HEPACAM: variants seen among roughly 807,000 people sequenced by gnomAD.
The protein encoded by HEPACAM is hepatocyte cell adhesion molecule.
HEPACAM carries 18 observed loss-of-function variants against 38.3 expected under a neutral mutation model. The ratio of observed to expected loss-of-function variants is 0.47; its 90% CI spans 0.33 to 0.70. HEPACAM has a LOEUF of 0.70. Among genes scored for constraint, HEPACAM ranks in the 30% least tolerant of loss-of-function variants. HEPACAM has a pLI of 0.03. For missense variants in HEPACAM, 466 were observed against 563.0 expected (o/e 0.83, Z 1.74); for synonymous variants, 216 against 243.1 (o/e 0.89, Z 1.04).
At position 124,919,666 on chromosome 11, in the gene HEPACAM, T is replaced by C; in HGVS notation, c.*1472A>G. ...GAGGGACAGGGAGCTGAGACAGGCATGCTGTGGGGTTCAGGGCAGAGGGGG... is the reference window on the plus strand; with the variant it reads ...GAGGGACAGGGAGCTGAGACAGGCACGCTGTGGGGTTCAGGGCAGAGGGGG... On this transcript the variant is annotated 3_prime_UTR_variant, in exon 7 of 7. Transcript: ENST00000298251. 1 of 1,463,762 alleles carries C rather than the reference T, an allele frequency of 6.8e-7. No homozygotes were observed. Among genetic ancestry groups the C allele is most frequent in the Non-Finnish European group, 9.3e-7 (1 of 1,073,024 alleles). 90.7% of individuals were successfully genotyped at this position (1,463,762 alleles called of 1,614,324 possible). A position where few individuals can be genotyped will look rare whatever the true frequency, so the allele number is the denominator to read the frequency against.
chr11:124,923,488 G>T, intron 3 of HEPACAM, 55 bp from the exon 4 acceptor site: 1 of 1,323,280 alleles, frequency 7.6e-7, no homozygotes, highest in Non-Finnish European at 1.1e-6. Context: ...GCAAGATGTG[G>T]TGAGCAGAAC....
At chr11:124,926,892 G>T (rs561474158) in intron 1 of HEPACAM, among the ~76,000 whole-genome samples, 10 of 151,958 alleles carry the variant, frequency 6.6e-5, no homozygotes, top group Non-Finnish European at 1.2e-4. Flanking sequence ...TTTTTGAGAC[G>T]GAGTCTTGTT....
Position 124,920,799 on chromosome 11 carries a change from G to A in HEPACAM, c.*339C>T. The A allele has an allele frequency of 8.9e-7, 1 of 1,121,834 alleles. No homozygotes were observed. The highest frequency in any genetic ancestry group is 1.1e-6 in the Non-Finnish European group (1 of 917,966). 69.5% of individuals were successfully genotyped at this position (1,121,834 alleles called of 1,614,324 possible). On this transcript the variant is annotated 3_prime_UTR_variant, in exon 7 of 7. Coordinates refer to ENST00000298251, the MANE Select transcript of HEPACAM (RefSeq NM_152722.5). ...TAGGAAGAGCACAGGATAGTCACGG[G>A]GGTTAGGTTACTGATGTTAGTTTCC...
intron 1 of HEPACAM, among the ~76,000 whole-genome samples, chr11:124,925,558 A>G (rs1011443542): frequency 8.5e-5 from 13 of 152,190 alleles, no homozygotes; most frequent in African/African-American, 2.9e-4. Context: ...TGGAGAAAGC[A>G]TGGAACACAG....
chr11:124,924,640 T>G lies in HEPACAM; in HGVS notation c.427+88A>C. The G allele has an allele frequency of 7.7e-7, 1 of 1,306,148 alleles. No individual in the cohort carries two copies. Among genetic ancestry groups the G allele is most frequent in the South Asian group, 1.2e-5 (1 of 84,366 alleles). 80.9% of individuals were successfully genotyped at this position (1,306,148 alleles called of 1,614,324 possible). On this transcript the variant is annotated intron_variant, in intron 2 of 6. Coordinates refer to ENST00000298251, the MANE Select transcript of HEPACAM (RefSeq NM_152722.5). This position sits in a 1 kb window ranked among gnomAD's most constrained non-coding sequence, Gnocchi z 4.4. ...AGCTCCCAAGTGCCTTTTGGGTTGG[T>G]TTTCCCTCAGTCTAGCTGGTGCGCT...
At position 124,919,593 on chromosome 11, in the gene HEPACAM, AG is replaced by A; in HGVS notation, c.*1544del. On this transcript the variant is annotated 3_prime_UTR_variant, in exon 7 of 7. Transcript: ENST00000298251. ...TATGGATGAGGCACCTGGGAAGTTTAGGGGAGCTGCGAAGGCACACCTGCTC... is the reference window on the plus strand; with the variant it reads ...TATGGATGAGGCACCTGGGAAGTTTAGGGAGCTGCGAAGGCACACCTGCTC... 1 of 738,664 alleles carries A rather than the reference AG, an allele frequency of 1.4e-6. No individual in the cohort carries two copies. Among genetic ancestry groups the A allele is most frequent in the Non-Finnish European group, 2.2e-6 (1 of 459,486 alleles). The allele number at this position is 738,664 out of a possible 1,614,324, so 45.8% of individuals were successfully genotyped here.
intron 1 of HEPACAM, among the ~76,000 whole-genome samples, chr11:124,930,122 A>T (rs1331826809): frequency 6.6e-6 from 1 of 152,184 alleles, no homozygotes; most frequent in Non-Finnish European, 1.5e-5. Flanking sequence ...GCTTTCTTCA[A>T]CTGTGTTATT....
chr11:124,920,294 T>C lies in HEPACAM; in HGVS notation c.*844A>G. 8.7e-7 allele frequency: 1 copy of C among 1,148,212 alleles called. No homozygotes were observed. Among genetic ancestry groups the C allele is most frequent in the Admixed American group, 2.5e-5 (1 of 39,942 alleles). 71.1% of individuals were successfully genotyped at this position (1,148,212 alleles called of 1,614,324 possible). A position where few individuals can be genotyped will look rare whatever the true frequency, so the allele number is the denominator to read the frequency against. ...TTGATGAGCTAAAACAGTTCCTCATTTGGTCTAGTTTTCGGGCCAGGGGAG... is the reference window on the plus strand; with the variant it reads ...TTGATGAGCTAAAACAGTTCCTCATCTGGTCTAGTTTTCGGGCCAGGGGAG... On this transcript the variant is annotated 3_prime_UTR_variant, in exon 7 of 7. Coordinates refer to ENST00000298251, the MANE Select transcript of HEPACAM (RefSeq NM_152722.5).
chr11:124,927,062 G>A (rs1947222165), intron 1 of HEPACAM, among the ~76,000 whole-genome samples: 1 of 152,042 alleles, frequency 6.6e-6, no homozygotes, highest in Non-Finnish European at 1.5e-5. Context: ...AGTAGAGACG[G>A]GGTTTCAGCG....
chr11:124,921,314 G>A lies in HEPACAM; in HGVS notation c.1075C>T (p.Arg359Cys). 1 of 1,293,252 alleles carries A rather than the reference G, an allele frequency of 7.7e-7. No individual in the cohort carries two copies. The highest frequency in any genetic ancestry group is 9.7e-7 in the Non-Finnish European group (1 of 1,027,002). The allele number at this position is 1,293,252 out of a possible 1,614,324, so 80.1% of individuals were successfully genotyped here. A position where few individuals can be genotyped will look rare whatever the true frequency, so the allele number is the denominator to read the frequency against. ...CGCGCTGGGGAGCGCGGGTAGCGGC[G>A]GGCAGAGCGGATGGGCAGCCCCGGC... The part of the protein sequence containing the change: ...RSPGLPIRSA[R>C]RYPRSPARSP... The change falls in exon 7 of 7, where the codon CGC (arginine) becomes TGC (cysteine). Residue 359 changes from arginine (R) to cysteine (C), a missense_variant. Coordinates refer to ENST00000298251, the MANE Select transcript of HEPACAM (RefSeq NM_152722.5). The surrounding 1 kb of genome is among the most constrained non-coding windows in gnomAD (Gnocchi z 4.6).
Position 124,924,007 on chromosome 11 carries a change from G to A in HEPACAM, c.431C>T (p.Pro144Leu). ...CACCAACACCTGTGGCCTCGAAATG[G>A]GCACTGAGCCGCAGGAATGGGGGAG... ...EKTINLTVDVPISRPQVLVAS... is the reference protein window; with the variant it reads ...EKTINLTVDVLISRPQVLVAS... Residue 144 changes from proline to leucine, a missense_variant, in exon 3 of 7, where the codon CCC becomes CTC. By Grantham distance (98) the Pro-to-Leu change is moderately conservative (BLOSUM62 -3). Coordinates refer to ENST00000298251, the MANE Select transcript of HEPACAM (RefSeq NM_152722.5). The surrounding 1 kb of genome is among the most constrained non-coding windows in gnomAD (Gnocchi z 4.4). 2 of 1,607,914 alleles carry A rather than the reference G, an allele frequency of 1.2e-6. No homozygotes were observed. The highest frequency in any genetic ancestry group is 1.7e-6 in the Non-Finnish European group (2 of 1,179,152).
At position 124,924,791 on chromosome 11, in the gene HEPACAM, C is replaced by T. The variant is rs1947185077; in HGVS notation, c.364G>A (p.Val122Ile). 1 of 1,613,968 alleles carries T rather than the reference C, an allele frequency of 6.2e-7. No homozygotes were observed. Among genetic ancestry groups the T allele is most frequent in the Non-Finnish European group, 8.5e-7 (1 of 1,180,010 alleles). ...GTGTCGTCGGTGATGGAGATCTCGA[C>T]CTCATAGGTGCCCTCATCGGCCAGC... ...LQLADEGTYEVEISITDDTFT... is the reference protein window; with the variant it reads ...LQLADEGTYEIEISITDDTFT... The change falls in exon 2 of 7, where the codon GTC becomes ATC. Residue 122 changes from valine (V) to isoleucine (I), a missense_variant. Transcript: ENST00000298251. The surrounding 1 kb of genome is among the most constrained non-coding windows in gnomAD (Gnocchi z 4.4).
Position 124,920,639 on chromosome 11 carries a change from T to TA in HEPACAM, c.*498_*499insT, listed in dbSNP as rs1354063291. ...TGGCTTCTCCTTAGCTTAGTGCAGC[T>TA]GTGGATTCTGGGAAAGTGGCCTCTC... On this transcript the variant is annotated 3_prime_UTR_variant, in exon 7 of 7. Transcript: ENST00000298251. The TA allele has an allele frequency of 2.0e-6, 2 of 1,004,118 alleles. No individual in the cohort carries two copies. The highest frequency in any genetic ancestry group is 2.0e-5 in the African/African-American group (1 of 49,734). 62.2% of individuals were successfully genotyped at this position (1,004,118 alleles called of 1,614,324 possible).
In HEPACAM at chr11:124,921,211, C is replaced by A. The variant is rs1015450186; in HGVS notation, c.1178G>T (p.Arg393Leu). 6.7e-6 allele frequency: 10 copies of A among 1,485,640 alleles called. No individual in the cohort carries two copies. The highest frequency in any genetic ancestry group is 8.9e-6 in the Non-Finnish European group (10 of 1,124,806). The allele number at this position is 1,485,640 out of a possible 1,614,324, so 92.0% of individuals were successfully genotyped here. Residue 393 changes from arginine (R) to leucine (L), a missense_variant, in exon 7 of 7, where the codon CGC (arginine) becomes CTC (leucine). Coordinates refer to ENST00000298251, the MANE Select transcript of HEPACAM (RefSeq NM_152722.5). This position sits in a 1 kb window ranked among gnomAD's most constrained non-coding sequence, Gnocchi z 4.6. ...GTGCACGCCCGCAGTCCGCAGTGTG[C>A]GCGAGGCGCTGCGCGAGCGGCCGGG... ...SSPGRSRSAS[R>L]TLRTAGVHII... is the part of the protein sequence containing the mutation.
In HEPACAM at chr11:124,924,639, G is replaced by A; in HGVS notation, c.427+89C>T. On this transcript the variant is annotated intron_variant, in intron 2 of 6. Transcript: ENST00000298251. The surrounding 1 kb of genome is among the most constrained non-coding windows in gnomAD (Gnocchi z 4.4). ...CAGCTCCCAAGTGCCTTTTGGGTTG[G>A]TTTTCCCTCAGTCTAGCTGGTGCGC... The A allele has an allele frequency of 7.8e-7, 1 of 1,288,204 alleles. No homozygotes were observed. The highest frequency in any genetic ancestry group is 1.1e-6 in the Non-Finnish European group (1 of 885,208). 79.8% of individuals were successfully genotyped at this position (1,288,204 alleles called of 1,614,324 possible). A position where few individuals can be genotyped will look rare whatever the true frequency, so the allele number is the denominator to read the frequency against.
intron 1 of HEPACAM, among the ~76,000 whole-genome samples, chr11:124,931,496 C>A (rs1947280436): frequency 6.6e-6 from 1 of 152,182 alleles, no homozygotes; most frequent in South Asian, 2.1e-4. Flanking sequence ...TGTGAGCCAT[C>A]ACACCAACCT....
At chr11:124,926,944 C>G (rs1385739086) in intron 1 of HEPACAM, among the ~76,000 whole-genome samples, 1 of 152,150 alleles carries the variant, frequency 6.6e-6, no homozygotes, top group East Asian at 1.9e-4. Flanking sequence ...TCTCAGCTCA[C>G]TGCAAGCTCC....
Position 124,932,931 on chromosome 11 carries a change from T to C in HEPACAM, c.85+2991A>G, listed in dbSNP as rs557890825. Among the ~76,000 whole-genome samples, 22 of 152,300 alleles carry C rather than the reference T, an allele frequency of 1.4e-4. No individual in the cohort carries two copies. The South Asian group carries it at 4.4e-3, about 30-fold the overall frequency. On this transcript the variant is annotated intron_variant, in intron 1 of 6. Coordinates refer to ENST00000298251, the MANE Select transcript of HEPACAM (RefSeq NM_152722.5). Reference sequence around the variant, plus strand: ...ACTTCATAGAGTAGAGTCCTTCCTCTTCCCAGGCCTAGTCTGAAACTACAA... The same window carrying C: ...ACTTCATAGAGTAGAGTCCTTCCTCCTCCCAGGCCTAGTCTGAAACTACAA...
At position 124,924,987 on chromosome 11, in the gene HEPACAM, C is replaced by T; in HGVS notation, c.168G>A (p.Gln56=). Residue 56 remains glutamine (Q), a synonymous_variant, in exon 2 of 7, where the codon CAG becomes CAA. Coordinates refer to ENST00000298251, the MANE Select transcript of HEPACAM (RefSeq NM_152722.5). This position sits in a 1 kb window ranked among gnomAD's most constrained non-coding sequence, Gnocchi z 4.4. ...GCCTGTCGCTGCTGGTACTGCTGTACTGCACAGAAAGCAGAGCCGACTTCC... is the reference window on the plus strand; with the variant it reads ...GCCTGTCGCTGCTGGTACTGCTGTATTGCACAGAAAGCAGAGCCGACTTCC... ...TVGKSALLSV[Q]YSSTSSDRPV... 6.2e-7 allele frequency: 1 copy of T among 1,611,710 alleles called. No individual in the cohort carries two copies. Among genetic ancestry groups the T allele is most frequent in the Admixed American group, 1.7e-5 (1 of 59,992 alleles).
Sources: allele counts gnomAD v4.1 joint callset (sites outside exome capture counted in the v4.1 genomes callset), GRCh38; gene constraint gnomAD v4.1.1; non-coding constraint Gnocchi (gnomAD v3.1); transcripts MANE v1.5; gene names NCBI Gene and HGNC (gene_info 2026-07-23, HGNC 2026-07-21).